SRBD1: variants seen among roughly 807,000 people sequenced by gnomAD.
SRBD1 encodes the protein S1 RNA binding domain 1.
SRBD1 carries 88 observed loss-of-function variants against 115.3 expected under a neutral mutation model. The observed-to-expected ratio is 0.76, with a 90% CI of 0.64 to 0.91. SRBD1 has a LOEUF of 0.91. Among genes scored for constraint, SRBD1 ranks in the 40% least tolerant of loss-of-function variants. The pLI, the probability that SRBD1 is intolerant of heterozygous loss-of-function variation, is 0.00. For missense variants in SRBD1, 1,385 were observed against 1,177.4 expected (o/e 1.18, Z -2.58); for synonymous variants, 509 against 407.7 (o/e 1.25, Z -2.99).
rs528756344 is a variant in SRBD1 at position 45,410,288 on chromosome 2, A to G, written c.2513+2826T>C. Among the ~76,000 whole-genome samples, 8 of 152,336 alleles carry G rather than the reference A, an allele frequency of 5.3e-5. 1 individual carries two copies. The South Asian group carries it at 1.7e-3, about 32-fold the overall frequency. On this transcript the variant is annotated intron_variant, in intron 19 of 20. Coordinates refer to ENST00000263736, the MANE Select transcript of SRBD1 (RefSeq NM_018079.5). ...AGGTAACCAGAATTCTCATGGTGAAAGTGTAAAATGTGAAATGGTACGACC... is the reference window on the plus strand; with the variant it reads ...AGGTAACCAGAATTCTCATGGTGAAGGTGTAAAATGTGAAATGGTACGACC...
intron 14 of SRBD1, chr2:45,546,167 AC>A (rs1672113419): frequency 1.0e-6 from 1 of 985,466 alleles, no homozygotes; most frequent in African/African-American, 1.7e-5. Flanking sequence ...CAGAACTACT[AC>A]AAATGCAGGG....
chr2:45,538,791 AACT>A (rs1392994447), intron 14 of SRBD1, among the ~76,000 whole-genome samples: 1 of 152,254 alleles, frequency 6.6e-6, no homozygotes, highest in East Asian at 1.9e-4. Flanking sequence ...TAAGTAAAAT[AACT>A]ACAAGAAAAT....
At chr2:45,464,822 T>C (rs1357607136) in intron 16 of SRBD1, among the ~76,000 whole-genome samples, 1 of 152,086 alleles carries the variant, frequency 6.6e-6, no homozygotes. Context: ...TCTAAAAATG[T>C]ATACAAAAGT....
At chr2:45,532,059 AAC>A (rs10581832) in intron 14 of SRBD1, among the ~76,000 whole-genome samples, 25,635 of 151,594 alleles carry the variant, frequency 0.17, 2,597 homozygotes, top group African/African-American at 0.25. Context: ...CCCAAAGAAA[AAC>A]ACAAAAACAA....
intron 14 of SRBD1, among the ~76,000 whole-genome samples, chr2:45,519,562 C>T (rs1671219670): frequency 2.0e-5 from 3 of 152,280 alleles, no homozygotes; most frequent in Non-Finnish European, 2.9e-5. Context: ...CTTTCATTTC[C>T]TTAAATATAT....
chr2:45,610,798 G>T (rs1033570760), intron 1 of SRBD1, among the ~76,000 whole-genome samples: 6 of 152,098 alleles, frequency 3.9e-5, no homozygotes, highest in African/African-American at 1.4e-4. Flanking sequence ...TGTGATGACG[G>T]GCGCCTGTAG....
chr2:45,523,791 A>T (rs565648812), intron 14 of SRBD1, among the ~76,000 whole-genome samples: 80 of 152,134 alleles, frequency 5.3e-4, no homozygotes, highest in African/African-American at 1.9e-3. Context: ...CTCTTCCAAA[A>T]AACAGGAGGG....
chr2:45,540,448 T>A (rs1341711039), intron 14 of SRBD1, among the ~76,000 whole-genome samples: 1 of 149,978 alleles, frequency 6.7e-6, no homozygotes, highest in Non-Finnish European at 1.5e-5. Flanking sequence ...CAGAAGAAAA[T>A]CACAGTAACC....
At chr2:45,562,099 C>A (rs1227046831) in intron 10 of SRBD1, among the ~76,000 whole-genome samples, 1 of 152,178 alleles carries the variant, frequency 6.6e-6, no homozygotes, top group Non-Finnish European at 1.5e-5. Flanking sequence ...TAATCACTAT[C>A]AAAAATTCCT....
chr2:45,575,240 T>A lies in SRBD1; in HGVS notation c.1073-517A>T, dbSNP rs1433253914. 2.6e-5 allele frequency among the ~76,000 whole-genome samples: 4 copies of A among 152,390 alleles called. No individual in the cohort carries two copies. In the East Asian group the frequency reaches 7.7e-4, roughly 29 times the overall value. ...TTTTTCACATTTTCAACGACCCATT[T>A]GAATTTCACAAATCTCAAAAGCACA... On this transcript the variant is annotated intron_variant, in intron 7 of 20. Coordinates refer to ENST00000263736, the MANE Select transcript of SRBD1 (RefSeq NM_018079.5).
chr2:45,513,439 G>C lies in SRBD1; in HGVS notation c.1875-25108C>G, dbSNP rs374696192. 4.8e-3 allele frequency among the ~76,000 whole-genome samples: 717 copies of C among 149,218 alleles called. 8 individuals carry two copies. Among genetic ancestry groups the C allele is most frequent in the African/African-American group, 0.016 (670 of 40,958 alleles). ...CCTTAAGGAAAAAAAAAAAACAACT[G>C]ACCAGTTAATAAAATACTTCGTTTC... is the stretch of plus-strand genomic sequence containing the variant. On this transcript the variant is annotated intron_variant, in intron 14 of 20. Coordinates refer to ENST00000263736, the MANE Select transcript of SRBD1 (RefSeq NM_018079.5).
chr2:45,445,906 T>C (rs558819469), intron 16 of SRBD1, among the ~76,000 whole-genome samples: 112 of 152,322 alleles, frequency 7.4e-4, no homozygotes, highest in Non-Finnish European at 1.4e-3. Flanking sequence ...CTCTATGATG[T>C]ACCTGCTACT....
chr2:45,513,216 G>A (rs1036075669), intron 14 of SRBD1, among the ~76,000 whole-genome samples: 1 of 152,128 alleles, frequency 6.6e-6, no homozygotes, highest in Admixed American at 6.6e-5. Context: ...GAGCTGGACA[G>A]ATCTTTCCCC....
intron 14 of SRBD1, among the ~76,000 whole-genome samples, chr2:45,493,283 T>A (rs1280770226): frequency 6.6e-6 from 1 of 152,192 alleles, no homozygotes; most frequent in Admixed American, 6.5e-5. Flanking sequence ...AAATCTTAAT[T>A]ATTTGCATAT....
intron 16 of SRBD1, among the ~76,000 whole-genome samples, chr2:45,474,562 A>G (rs1359560698): frequency 1.3e-5 from 2 of 152,222 alleles, no homozygotes; most frequent in Non-Finnish European, 2.9e-5. Flanking sequence ...GGAGGAGGTC[A>G]GTACAGGCCT....
intron 18 of SRBD1, among the ~76,000 whole-genome samples, chr2:45,415,677 G>GGAGA (rs1667801984): frequency 4.8e-5 from 1 of 20,850 alleles, no homozygotes; most frequent in Admixed American, 4.8e-4. Context: ...GGGAGGGGAG[G>GGAGA]GGAGGGGACG....
At chr2:45,516,243 T>C (rs964067381) in intron 14 of SRBD1, among the ~76,000 whole-genome samples, 2 of 152,104 alleles carry the variant, frequency 1.3e-5, no homozygotes, top group African/African-American at 4.8e-5. Flanking sequence ...TAAACAAAAA[T>C]ATATGACAGT....
intron 14 of SRBD1, among the ~76,000 whole-genome samples, chr2:45,504,380 GT>G (rs889958572): frequency 2.0e-5 from 3 of 151,942 alleles, no homozygotes; most frequent in Non-Finnish European, 4.4e-5. Context: ...AATTCTTTAT[GT>G]TTTTTGCAAT....
intron 11 of SRBD1, 53 bp from the exon 12 acceptor site, chr2:45,551,335 C>T (rs1256330791): frequency 5.2e-6 from 8 of 1,525,868 alleles, no homozygotes; most frequent in Non-Finnish European, 6.2e-6. Flanking sequence ...ATTTTCTTTC[C>T]AGAAAAGGAG....
Sources: gnomAD v4.1 joint callset for allele counts (sites outside exome capture counted in the v4.1 genomes callset) on GRCh38, gnomAD v4.1.1 for gene constraint, MANE v1.5 for transcripts, NCBI Gene and HGNC (gene_info 2026-07-23, HGNC 2026-07-21) for gene names.